CAPS2: variants seen among roughly 807,000 people sequenced by gnomAD.
The protein encoded by CAPS2 is calcyphosin-2.
Under a neutral mutation model 86.5 loss-of-function variants are expected in CAPS2, and 98 were observed. The observed-to-expected ratio is 1.13, with a 90% CI of 0.96 to 1.34. The LOEUF is 1.34. Among genes scored for constraint, CAPS2 ranks in the 40% most tolerant of loss-of-function variants. The pLI is 0.00. For missense variants in CAPS2, 729 were observed against 686.8 expected (o/e 1.06, Z -0.69); for synonymous variants, 210 against 225.1 (o/e 0.93, Z 0.60).
intron 1 of CAPS2, among the ~76,000 whole-genome samples, chr12:75,340,306 T>C (rs1018121454): frequency 6.6e-6 from 1 of 151,944 alleles, no homozygotes; most frequent in Non-Finnish European, 1.5e-5. Context: ...TATTTTCCTC[T>C]GCGTAGATTT....
chr12:75,279,180 T>C (rs1316013014), intron 16 of CAPS2, 115 bp from the exon 17 acceptor site: 2 of 1,007,266 alleles, frequency 2.0e-6, no homozygotes, highest in South Asian at 1.8e-5. Context: ...TTGAAATCTT[T>C]TGTCAAACTA....
chr12:75,344,225 C>T (rs931773361), intron 1 of CAPS2, among the ~76,000 whole-genome samples: 10 of 152,052 alleles, frequency 6.6e-5, no homozygotes, highest in Non-Finnish European at 1.5e-4. Context: ...TCTCTCTCTT[C>T]CCTTCCCTGG....
intron 1 of CAPS2, chr12:75,390,452 C>A: frequency 2.3e-6 from 1 of 436,578 alleles, no homozygotes; most frequent in Middle Eastern, 3.4e-4. Flanking sequence ...CCTTCACTCC[C>A]ATTTATTTTG....
chr12:75,288,341 G>C (rs578043556), intron 14 of CAPS2, among the ~76,000 whole-genome samples: 1 of 150,800 alleles, frequency 6.6e-6, no homozygotes, highest in Non-Finnish European at 1.5e-5. Flanking sequence ...TGATATGGCA[G>C]ATTCCCATGT....
chr12:75,383,727 T>C (rs1485624935), intron 1 of CAPS2, among the ~76,000 whole-genome samples: 1 of 152,166 alleles, frequency 6.6e-6, no homozygotes, highest in Non-Finnish European at 1.5e-5. Flanking sequence ...TAGCAGAATA[T>C]ATATTCTCGA....
chr12:75,310,684 C>G (rs1050785491), intron 7 of CAPS2, among the ~76,000 whole-genome samples: 2 of 152,070 alleles, frequency 1.3e-5, no homozygotes, highest in Non-Finnish European at 1.5e-5. Flanking sequence ...TTGCTTTGGT[C>G]AGTTACACAC....
At chr12:75,343,578 AACT>A (rs1171165385) in intron 1 of CAPS2, 2 of 806,916 alleles carry the variant, frequency 2.5e-6, no homozygotes, top group African/African-American at 3.5e-5. Context: ...ACCAAAGAAA[AACT>A]ACATCTTATT....
chr12:75,351,739 GT>G (rs1394560022), intron 1 of CAPS2, among the ~76,000 whole-genome samples: 1 of 152,174 alleles, frequency 6.6e-6, no homozygotes, highest in African/African-American at 2.4e-5. Context: ...TACAGACGGG[GT>G]TTTGCCATGT....
chr12:75,306,073 G>A lies in CAPS2; in HGVS notation c.660-1197C>T, dbSNP rs547961798. ...GACAGCGCCGTCTAGAACGTGCTGC[G>A]CGTCCTGGGGCTGCGGCCCTGGAAG... On this transcript the variant is annotated intron_variant, in intron 7 of 16. Coordinates refer to ENST00000393284, the Ensembl canonical transcript of CAPS2. The A allele has an allele frequency of 5.2e-4, 756 of 1,466,478 alleles. 1 individual carries two copies. Among genetic ancestry groups the A allele is most frequent in the Non-Finnish European group, 6.8e-4 (721 of 1,061,958 alleles). 90.8% of individuals were successfully genotyped at this position (1,466,478 alleles called of 1,614,324 possible). A position where few individuals can be genotyped will look rare whatever the true frequency, so the allele number is the denominator to read the frequency against.
In CAPS2 at chr12:75,323,144, T is replaced by G. The variant is rs1411172635; in HGVS notation, c.177+33A>C. ...TGCTATGTGTAATATTGTGTTTTAA[T>G]GTTTATTATATTAAATACTAAATAA... On this transcript the variant is annotated intron_variant, in intron 3 of 16. Transcript: ENST00000393284. 2.0e-6 allele frequency: 3 copies of G among 1,504,338 alleles called. No homozygotes were observed. In the Admixed American group the frequency reaches 5.9e-5, roughly 30 times the overall value. 93.2% of individuals were successfully genotyped at this position (1,504,338 alleles called of 1,614,324 possible). A position where few individuals can be genotyped will look rare whatever the true frequency, so the allele number is the denominator to read the frequency against.
chr12:75,328,882 A>T (rs925240923), upstream of CAPS2, among the ~76,000 whole-genome samples: 2 of 152,248 alleles, frequency 1.3e-5, no homozygotes, highest in African/African-American at 2.4e-5. Flanking sequence ...ACTTAGATAT[A>T]GTAAGAGTAT....
chr12:75,311,339 G>A (rs1376234524), intron 7 of CAPS2, among the ~76,000 whole-genome samples: 3 of 152,128 alleles, frequency 2.0e-5, no homozygotes, highest in Non-Finnish European at 4.4e-5. Flanking sequence ...GCTGGATATA[G>A]TATTTGAGAG....
At chr12:75,301,114 C>G (rs554447677) in intron 8 of CAPS2, among the ~76,000 whole-genome samples, 2 of 152,196 alleles carry the variant, frequency 1.3e-5, no homozygotes, top group South Asian at 4.1e-4. Context: ...AAACACCCTA[C>G]TGCCAATAAT....
At chr12:75,312,962 C>T in intron 6 of CAPS2, 47 bp from the exon 7 acceptor site, 1 of 1,091,308 alleles carries the variant, frequency 9.2e-7, no homozygotes, top group East Asian at 2.4e-5. Flanking sequence ...AAAGCAGAAC[C>T]ATACAATACT....
chr12:75,361,283 G>A (rs2043570582), intron 1 of CAPS2, among the ~76,000 whole-genome samples: 1 of 152,188 alleles, frequency 6.6e-6, no homozygotes, highest in Non-Finnish European at 1.5e-5. Flanking sequence ...TTAGGAAAGG[G>A]TAGGTATATG....
chr12:75,369,697 T>C, intron 1 of CAPS2: 1 of 985,064 alleles, frequency 1.0e-6, no homozygotes. Context: ...GTTAACTACT[T>C]TATAGCTTTT....
intron 15 of CAPS2, among the ~76,000 whole-genome samples, chr12:75,283,106 A>G (rs2034273049): frequency 6.6e-6 from 1 of 152,204 alleles, no homozygotes; most frequent in Non-Finnish European, 1.5e-5. Context: ...AAAGTGAAAT[A>G]CCTTTTAAAT....
intron 1 of CAPS2, chr12:75,344,044 A>G: frequency 1.1e-6 from 1 of 921,888 alleles, no homozygotes; most frequent in Non-Finnish European, 1.6e-6. Flanking sequence ...GGCTGCCTTT[A>G]CATTTTTTCC....
chr12:75,319,102 A>G (rs1031706679), intron 5 of CAPS2, among the ~76,000 whole-genome samples: 2 of 152,136 alleles, frequency 1.3e-5, no homozygotes, highest in African/African-American at 2.4e-5. Context: ...AAAAATATAT[A>G]TGTACACATA....
Sources: gnomAD v4.1 joint callset for allele counts (sites outside exome capture counted in the v4.1 genomes callset) on GRCh38, gnomAD v4.1.1 for gene constraint, MANE v1.5 for transcripts, NCBI Gene and HGNC (gene_info 2026-07-23, HGNC 2026-07-21) for gene names.